The following SLC20A2 variants were observed in gnomAD, a reference collection of about 807,000 sequenced individuals.
SLC20A2 encodes solute carrier family 20 member 2.
A neutral mutation model predicts 61.0 loss-of-function variants in SLC20A2; 30 were observed. The ratio of observed to expected loss-of-function variants is 0.49; its 90% CI spans 0.37 to 0.67. SLC20A2 has a LOEUF of 0.67. SLC20A2 is among the 30% of genes least tolerant of loss of function. The pLI, the probability that SLC20A2 is intolerant of heterozygous loss-of-function variation, is 0.00. For synonymous variants in SLC20A2, 351 were observed against 353.3 expected (o/e 0.99, Z 0.07); for missense variants, 626 against 866.4 (o/e 0.72, Z 3.48).
intron 1 of SLC20A2, among the ~76,000 whole-genome samples, chr8:42,515,380 T>C (rs1811268332): frequency 6.6e-6 from 1 of 152,032 alleles, no homozygotes; most frequent in South Asian, 2.1e-4. Context: ...TTCAAGATAA[T>C]ACAAGACATA....
intron 1 of SLC20A2, among the ~76,000 whole-genome samples, chr8:42,516,547 A>G (rs1257444669): frequency 6.6e-6 from 1 of 152,188 alleles, no homozygotes; most frequent in Non-Finnish European, 1.5e-5. Context: ...TCTGTCTTAG[A>G]CCAAGTAAAA....
chr8:42,448,281 G>A (rs936742868), intron 5 of SLC20A2, among the ~76,000 whole-genome samples: 4 of 152,204 alleles, frequency 2.6e-5, no homozygotes, highest in African/African-American at 9.6e-5. Context: ...TCTAAGAGAG[G>A]CAAACCCTAG....
At chr8:42,463,843 T>A (rs1806899816) in intron 3 of SLC20A2, among the ~76,000 whole-genome samples, 1 of 152,138 alleles carries the variant, frequency 6.6e-6, no homozygotes, top group Non-Finnish European at 1.5e-5. Context: ...CCTAAGGTCA[T>A]CATGATTCTT....
chr8:42,422,108 A>C (rs1410448934), intron 10 of SLC20A2, among the ~76,000 whole-genome samples: 1 of 152,198 alleles, frequency 6.6e-6, no homozygotes, highest in Non-Finnish European at 1.5e-5. Context: ...GCTGGAGTGC[A>C]GTGGCACAAT....
intron 5 of SLC20A2, among the ~76,000 whole-genome samples, chr8:42,455,240 AAAT>A (rs1171892162): frequency 7.3e-5 from 7 of 95,436 alleles, no homozygotes; most frequent in Middle Eastern, 5.6e-3. Flanking sequence ...AAAAAAAAAA[AAAT>A]ATATATATAT....
At chr8:42,509,913 C>T (rs1810937912) in intron 1 of SLC20A2, among the ~76,000 whole-genome samples, 1 of 152,038 alleles carries the variant, frequency 6.6e-6, no homozygotes, top group Non-Finnish European at 1.5e-5. Flanking sequence ...TTAAGTGCAA[C>T]CTTCACTTCT....
At chr8:42,436,715 C>T (rs1586021106) in intron 8 of SLC20A2, among the ~76,000 whole-genome samples, 1 of 152,346 alleles carries the variant, frequency 6.6e-6, no homozygotes, top group East Asian at 1.9e-4. Flanking sequence ...CGCCCCTGCA[C>T]CTCCGTCACC....
chr8:42,451,807 T>A (rs1490908696), intron 5 of SLC20A2, among the ~76,000 whole-genome samples: 6 of 88,308 alleles, frequency 6.8e-5, no homozygotes, highest in Admixed American at 1.5e-4. Context: ...GAGGAAGAGA[T>A]GGAGGAGGAG....
intron 2 of SLC20A2, among the ~76,000 whole-genome samples, chr8:42,469,808 A>T (rs185317638): frequency 2.0e-4 from 30 of 152,020 alleles, no homozygotes; most frequent in African/African-American, 7.2e-4. Flanking sequence ...GGTGCCTGTA[A>T]TCCCAGCTAC....
intron 8 of SLC20A2, among the ~76,000 whole-genome samples, chr8:42,432,692 C>T (rs971055457): frequency 2.0e-5 from 3 of 152,232 alleles, no homozygotes; most frequent in South Asian, 2.1e-4. Flanking sequence ...CCTTTAATCA[C>T]CACCACCCTG....
chr8:42,464,206 C>A (rs1281964767), intron 3 of SLC20A2, among the ~76,000 whole-genome samples: 1 of 142,952 alleles, frequency 7.0e-6, no homozygotes, highest in Non-Finnish European at 1.5e-5. Context: ...CTCTGAGGTA[C>A]AAGTGATCCT....
At position 42,455,257 on chromosome 8, in the gene SLC20A2, TAGAGAGAGAGAG is replaced by T. The variant is rs71548583; in HGVS notation, c.613+4627_613+4638del. On this transcript the variant is annotated intron_variant, in intron 5 of 10. Coordinates refer to ENST00000520262, the MANE Select transcript of SLC20A2 (RefSeq NM_001257180.2). ...AAAAAAAAAAATATATATATATATA[TAGAGAGAGAGAG>T]AGAGAGAGAGAGAGAGAGAGAGAGC... is the stretch of plus-strand genomic sequence containing the variant. Among the ~76,000 whole-genome samples the T allele has an allele frequency of 4.9e-3, 396 of 81,614 alleles. 2 individuals carry two copies. Among genetic ancestry groups the T allele is most frequent in the Middle Eastern group, 9.3e-3 (1 of 108 alleles). The allele number at this position is 81,614 out of a possible 152,430, so 53.5% of individuals were successfully genotyped here.
At chr8:42,429,348 TGCAGATGCGGG>T (rs1406025044) in intron 9 of SLC20A2, among the ~76,000 whole-genome samples, 1 of 152,210 alleles carries the variant, frequency 6.6e-6, no homozygotes, top group African/African-American at 2.4e-5. Flanking sequence ...TAGCTTTCTC[TGCAGATGCGGG>T]GCAGAGCTGC....
intron 1 of SLC20A2, among the ~76,000 whole-genome samples, chr8:42,475,586 A>AT (rs1225292687): frequency 6.7e-6 from 1 of 149,616 alleles, no homozygotes; most frequent in Non-Finnish European, 1.5e-5. Context: ...ATTTTTTTGT[A>AT]TTTTTGTAGA....
At chr8:42,529,500 C>T (rs1453821104) in intron 1 of SLC20A2, among the ~76,000 whole-genome samples, 1 of 145,482 alleles carries the variant, frequency 6.9e-6, no homozygotes, top group African/African-American at 2.6e-5. Context: ...ACTGAGGCTC[C>T]ATAATGGAAA....
intron 1 of SLC20A2, chr8:42,484,669 G>A: frequency 2.7e-6 from 1 of 366,288 alleles, no homozygotes; most frequent in Admixed American, 2.9e-5. Context: ...GGTGTCCCCT[G>A]ACAGATCCAA....
chr8:42,514,555 A>AGGTGGATCATTT (rs1811211849), intron 1 of SLC20A2, among the ~76,000 whole-genome samples: 1 of 152,050 alleles, frequency 6.6e-6, no homozygotes, highest in African/African-American at 2.4e-5. Flanking sequence ...GTCAGGAGTT[A>AGGTGGATCATTT]GAGACCAGCC....
chr8:42,498,673 G>A (rs949099717), intron 1 of SLC20A2, among the ~76,000 whole-genome samples: 1 of 152,072 alleles, frequency 6.6e-6, no homozygotes, highest in African/African-American at 2.4e-5. Context: ...TAAGACGGAC[G>A]GAAGCTGAAG....
At chr8:42,421,752 T>C (rs6474394) in intron 10 of SLC20A2, among the ~76,000 whole-genome samples, 35,699 of 151,914 alleles carry the variant, frequency 0.23, 8,875 homozygotes, top group African/African-American at 0.63. Context: ...TGTGGTGAGC[T>C]GAGATCATGC....
Sources: allele counts gnomAD v4.1 joint callset (sites outside exome capture counted in the v4.1 genomes callset), GRCh38; gene constraint gnomAD v4.1.1; transcripts MANE v1.5; gene names NCBI Gene and HGNC (gene_info 2026-07-23, HGNC 2026-07-21).